The following AOPEP variants were observed in gnomAD, a reference collection of about 807,000 sequenced individuals.
AOPEP encodes aminopeptidase O.
AOPEP carries 77 observed loss-of-function variants against 98.1 expected under a neutral mutation model. The observed-to-expected ratio is 0.78, with a 90% CI of 0.65 to 0.95. The LOEUF is 0.95. Ranked by LOEUF, AOPEP falls within the 40% of genes least tolerant of loss-of-function variation. AOPEP has a pLI of 0.00. For missense variants in AOPEP, 1,024 were observed against 1,024.7 expected (o/e 1.00, Z 0.01); for synonymous variants, 346 against 365.3 (o/e 0.95, Z 0.60).
chr9:95,147,132 T>C, the AOPEP span, among the ~76,000 whole-genome samples: 2 of 152,070 alleles, frequency 1.3e-5, no homozygotes, highest in African/African-American at 2.4e-5. Context: ...CATTTATTTA[T>C]GATGTATTTT....
At chr9:95,080,004 T>A (rs575941344) in intron 14 of AOPEP, among the ~76,000 whole-genome samples, 1 of 152,346 alleles carries the variant, frequency 6.6e-6, no homozygotes, top group South Asian at 2.1e-4. Context: ...TCAAATCTGC[T>A]GCAGGAACTT....
chr9:94,847,098 G>A (rs1282669550), intron 5 of AOPEP, among the ~76,000 whole-genome samples: 4 of 150,190 alleles, frequency 2.7e-5, no homozygotes, highest in African/African-American at 9.8e-5. Context: ...TGGCTGCAGG[G>A]AGGTTGGTAG....
chr9:94,728,901 G>A (rs1426887227), intron 1 of AOPEP, among the ~76,000 whole-genome samples: 2 of 152,236 alleles, frequency 1.3e-5, no homozygotes, highest in Non-Finnish European at 2.9e-5. Flanking sequence ...CTTAAGTGCA[G>A]CAGGTGAATT....
chr9:94,928,403 C>A, intron 6 of AOPEP, 22 bp from the exon 7 acceptor site: 1 of 1,512,822 alleles, frequency 6.6e-7, no homozygotes. Context: ...GCATGTGTGT[C>A]TGTGTGTCTG....
At chr9:95,015,095 A>T (rs2062866795) in intron 13 of AOPEP, among the ~76,000 whole-genome samples, 1 of 152,208 alleles carries the variant, frequency 6.6e-6, no homozygotes, top group African/African-American at 2.4e-5. Flanking sequence ...ACCCGAGGCT[A>T]CCCTGGGCTA....
At chr9:95,147,737 A>C in the AOPEP span, among the ~76,000 whole-genome samples, 5 of 152,344 alleles carry the variant, frequency 3.3e-5, no homozygotes, top group South Asian at 8.3e-4. Flanking sequence ...GTTAACTGCC[A>C]CATCAGTTTG....
the AOPEP span, among the ~76,000 whole-genome samples, chr9:95,136,584 T>A: frequency 3.9e-5 from 6 of 152,042 alleles, no homozygotes; most frequent in Admixed American, 1.3e-4. Flanking sequence ...ACTCCTAGGC[T>A]CATGTGATCC....
At chr9:94,996,532 A>G (rs1589209103) in intron 11 of AOPEP, among the ~76,000 whole-genome samples, 1 of 152,110 alleles carries the variant, frequency 6.6e-6, no homozygotes, top group Admixed American at 6.5e-5. Flanking sequence ...TTAAAACTCG[A>G]CCTGCCAGGG....
chr9:94,900,134 A>G (rs1452400792), intron 5 of AOPEP, among the ~76,000 whole-genome samples: 1 of 152,200 alleles, frequency 6.6e-6, no homozygotes, highest in East Asian at 1.9e-4. Flanking sequence ...TGAAGGCCAG[A>G]CTGACTGCTG....
In AOPEP at chr9:94,733,280, G is replaced by A. The variant is rs150697854; in HGVS notation, c.-136+6529G>A. On this transcript the variant is annotated intron_variant, in intron 1 of 16. Coordinates refer to ENST00000375315, the MANE Select transcript of AOPEP (RefSeq NM_001193329.3). ...CACCACCATGCTCAGCTAATTTTTTGTATTTTCTTTAGAGATGACATTTTG... is the reference window on the plus strand; with the variant it reads ...CACCACCATGCTCAGCTAATTTTTTATATTTTCTTTAGAGATGACATTTTG... Among the ~76,000 whole-genome samples the A allele has an allele frequency of 5.0e-4, 76 of 151,774 alleles. No homozygotes were observed. In the Middle Eastern group the frequency reaches 0.017, roughly 34 times the overall value.
chr9:95,072,025 C>A (rs2068566638), intron 14 of AOPEP, among the ~76,000 whole-genome samples: 2 of 152,126 alleles, frequency 1.3e-5, no homozygotes, highest in Admixed American at 1.3e-4. Flanking sequence ...TCACCTTTTG[C>A]CTCATCTCTG....
chr9:94,791,528 G>T (rs964443599), intron 3 of AOPEP, among the ~76,000 whole-genome samples: 1 of 151,944 alleles, frequency 6.6e-6, no homozygotes, highest in Non-Finnish European at 1.5e-5. Flanking sequence ...TGTAAGCTGT[G>T]TGTGGTGGCA....
At chr9:94,920,667 G>A (rs1424111088) in intron 5 of AOPEP, among the ~76,000 whole-genome samples, 1 of 152,188 alleles carries the variant, frequency 6.6e-6, no homozygotes, top group Non-Finnish European at 1.5e-5. Flanking sequence ...GCAGCTCCTG[G>A]GAGTAATGAA....
chr9:95,051,556 A>G (rs979291030), intron 13 of AOPEP, among the ~76,000 whole-genome samples: 3 of 152,144 alleles, frequency 2.0e-5, no homozygotes, highest in African/African-American at 7.2e-5. Context: ...CATACAGCCC[A>G]TCTATTTGCT....
chr9:94,752,140 G>A (rs1835944946), intron 1 of AOPEP, among the ~76,000 whole-genome samples: 1 of 152,022 alleles, frequency 6.6e-6, no homozygotes, highest in Non-Finnish European at 1.5e-5. Context: ...CTCCCGCCTT[G>A]GCCTTCCAAA....
At chr9:94,965,984 C>T (rs2059172755) in intron 9 of AOPEP, among the ~76,000 whole-genome samples, 1 of 149,462 alleles carries the variant, frequency 6.7e-6, no homozygotes, top group Admixed American at 6.6e-5. Context: ...TATTGGGAGG[C>T]TTCGGTCTGC....
At chr9:95,005,491 C>G in intron 12 of AOPEP, 51 bp from the exon 13 acceptor site, 1 of 1,512,492 alleles carries the variant, frequency 6.6e-7, no homozygotes, top group Non-Finnish European at 9.2e-7. Context: ...TGGGGGATGG[C>G]CGTCAGGACC....
chr9:94,792,945 G>GAA, intron 4 of AOPEP, 27 bp downstream of exon 4: 11 of 1,507,526 alleles, frequency 7.3e-6, no homozygotes, highest in East Asian at 4.7e-5. Context: ...TTGCTGGGAA[G>GAA]GAAAAAAAAA....
chr9:94,789,967 G>A (rs1366002316), intron 3 of AOPEP, among the ~76,000 whole-genome samples: 3 of 150,784 alleles, frequency 2.0e-5, no homozygotes, highest in African/African-American at 7.3e-5. Flanking sequence ...TCCGCCTCCC[G>A]GGTTCACGCC....
Sources: gnomAD v4.1 joint callset for allele counts (sites outside exome capture counted in the v4.1 genomes callset) on GRCh38, gnomAD v4.1.1 for gene constraint, MANE v1.5 for transcripts, NCBI Gene and HGNC (gene_info 2026-07-23, HGNC 2026-07-21) for gene names.